The following ZFAT variants were observed in gnomAD, a reference collection of about 807,000 sequenced individuals.
ZFAT encodes the protein zinc finger and AT-hook domain containing, also known as zinc finger protein ZFAT.
Under a neutral mutation model 117.7 loss-of-function variants are expected in ZFAT, and 64 were observed. That is an observed-to-expected ratio of 0.54 (90% CI 0.44 to 0.67). The LOEUF is 0.67. ZFAT is among the 30% of genes least tolerant of loss of function. The probability of loss-of-function intolerance (pLI) is 0.00; values close to 1 mark genes in which losing one functional copy is unlikely to be tolerated. For synonymous variants in ZFAT, 679 were observed against 615.0 expected, an observed-to-expected ratio of 1.10 and a Z score of -1.54; for missense variants, 1,433 against 1,584.5, an observed-to-expected ratio of 0.90 and a Z score of 1.62.
chr8:134,799,373 C>T, the ZFAT span, among the ~76,000 whole-genome samples: 34,118 of 151,876 alleles, frequency 0.22, 4,045 homozygotes, highest in African/African-American at 0.27. Context: ...TTGCTTTTCA[C>T]CTATACAGAA....
intron 11 of ZFAT, among the ~76,000 whole-genome samples, chr8:134,543,092 G>A (rs1822403710): frequency 6.6e-6 from 1 of 151,254 alleles, no homozygotes; most frequent in Non-Finnish European, 1.5e-5. Context: ...ACACCTCTCT[G>A]TGATAGTCAG....
chr8:134,533,188 G>A (rs1821563018), intron 11 of ZFAT, among the ~76,000 whole-genome samples: 1 of 152,214 alleles, frequency 6.6e-6, no homozygotes, highest in South Asian at 2.1e-4. Flanking sequence ...CCCAGAGGAG[G>A]AGCTGTCTCT....
the ZFAT span, among the ~76,000 whole-genome samples, chr8:134,730,498 G>A: frequency 2.6e-5 from 4 of 152,334 alleles, no homozygotes; most frequent in African/African-American, 9.6e-5. Flanking sequence ...AGGGCAGCAC[G>A]TGGAACATCC....
At chr8:134,617,275 G>A (rs1178604642) in intron 3 of ZFAT, among the ~76,000 whole-genome samples, 2 of 152,134 alleles carry the variant, frequency 1.3e-5, no homozygotes, top group Non-Finnish European at 2.9e-5. Flanking sequence ...AGTCACTCAA[G>A]AAAACCCCTA....
the ZFAT span, among the ~76,000 whole-genome samples, chr8:134,782,959 T>C: frequency 6.6e-6 from 1 of 152,054 alleles, no homozygotes; most frequent in Non-Finnish European, 1.5e-5. Context: ...CAAACTATTG[T>C]TATGAGCAAA....
At chr8:134,698,323 C>CAA (rs35465168) in intron 1 of ZFAT, among the ~76,000 whole-genome samples, 48,780 of 126,920 alleles carry the variant, frequency 0.38, 9,464 homozygotes, top group African/African-American at 0.44. Context: ...GACTCCATCT[C>CAA]AAAAAAAAAA....
chr8:134,736,677 C>G, the ZFAT span, among the ~76,000 whole-genome samples: 1 of 152,206 alleles, frequency 6.6e-6, no homozygotes, highest in East Asian at 1.9e-4. Flanking sequence ...CTCACTGCAG[C>G]CTCAACCTCT....
intron 2 of ZFAT, among the ~76,000 whole-genome samples, chr8:134,653,084 T>A (rs1314723062): frequency 6.6e-6 from 1 of 151,232 alleles, no homozygotes; most frequent in Non-Finnish European, 1.5e-5. Flanking sequence ...CTAAAAAAAA[T>A]TAGGACATAC....
chr8:134,576,778 T>TA (rs1340480784), intron 10 of ZFAT, among the ~76,000 whole-genome samples: 2 of 152,204 alleles, frequency 1.3e-5, no homozygotes, highest in African/African-American at 4.8e-5. Flanking sequence ...AAAGGGTACT[T>TA]ACTCCACTCA....
chr8:134,778,346 T>C, the ZFAT span, among the ~76,000 whole-genome samples: 1 of 152,286 alleles, frequency 6.6e-6, no homozygotes, highest in African/African-American at 2.4e-5. Flanking sequence ...TTCTGGGAAG[T>C]ATGTCAGGTC....
At chr8:134,711,583 T>C (rs912691248) in intron 1 of ZFAT, among the ~76,000 whole-genome samples, 4 of 152,074 alleles carry the variant, frequency 2.6e-5, no homozygotes, top group African/African-American at 7.2e-5. Flanking sequence ...GATTGCACCA[T>C]TGCACCCCGG....
At chr8:134,675,096 G>A (rs1023800791) in intron 1 of ZFAT, among the ~76,000 whole-genome samples, 1 of 152,352 alleles carries the variant, frequency 6.6e-6, no homozygotes, top group African/African-American at 2.4e-5. Flanking sequence ...AAAGCTGGAC[G>A]GAGAATGAGT....
At chr8:134,506,783 A>G (rs1819446859) in intron 15 of ZFAT, among the ~76,000 whole-genome samples, 2 of 152,358 alleles carry the variant, frequency 1.3e-5, no homozygotes, top group East Asian at 1.9e-4. Flanking sequence ...ACTTATGTAC[A>G]ATGTAGAATT....
At chr8:134,604,525 G>A (rs530442910) in intron 5 of ZFAT, among the ~76,000 whole-genome samples, 2 of 152,322 alleles carry the variant, frequency 1.3e-5, no homozygotes, top group South Asian at 4.1e-4. Context: ...AGTCTAAGGA[G>A]GCAAATGAGG....
intron 3 of ZFAT, among the ~76,000 whole-genome samples, chr8:134,617,983 T>G (rs1828861163): frequency 6.6e-6 from 1 of 151,884 alleles, no homozygotes; most frequent in Admixed American, 6.6e-5. Context: ...ATAAGTCTCA[T>G]GAGATCTGAT....
At chr8:134,788,108 T>C in the ZFAT span, among the ~76,000 whole-genome samples, 34 of 152,200 alleles carry the variant, frequency 2.2e-4, no homozygotes, top group Non-Finnish European at 4.6e-4. Context: ...TTATTGTTTT[T>C]AGACTTCAAA....
At chr8:134,586,675 C>A (rs1323219121) in intron 9 of ZFAT, among the ~76,000 whole-genome samples, 1 of 152,166 alleles carries the variant, frequency 6.6e-6, no homozygotes, top group Non-Finnish European at 1.5e-5. Flanking sequence ...CTACGAATGC[C>A]TTCAACTTCA....
intron 1 of ZFAT, among the ~76,000 whole-genome samples, chr8:134,661,841 C>A (rs895903850): frequency 2.0e-5 from 3 of 152,156 alleles, no homozygotes; most frequent in Non-Finnish European, 4.4e-5. Flanking sequence ...CATCAGGATG[C>A]AGATGCCTAC....
chr8:134,735,459 A>G, the ZFAT span, among the ~76,000 whole-genome samples: 1 of 152,210 alleles, frequency 6.6e-6, no homozygotes. Context: ...AAAACACTTT[A>G]TTTACAAAAA....
Sources: allele counts gnomAD v4.1 joint callset (sites outside exome capture counted in the v4.1 genomes callset), GRCh38; gene constraint gnomAD v4.1.1; transcripts MANE v1.5; gene names NCBI Gene and HGNC (gene_info 2026-07-23, HGNC 2026-07-21).